The following VEZT variants were observed in gnomAD, a reference collection of about 807,000 sequenced individuals.
VEZT encodes vezatin.
Under a neutral mutation model 79.9 loss-of-function variants are expected in VEZT, and 39 were observed. That is an observed-to-expected ratio of 0.49 (90% CI 0.38 to 0.64). The LOEUF is 0.64. VEZT is among the 30% of genes least tolerant of loss of function. VEZT has a pLI of 0.00. For missense variants in VEZT, 837 were observed against 893.1 expected (o/e 0.94, Z 0.80); for synonymous variants, 325 against 327.6 (o/e 0.99, Z 0.09).
chr12:95,289,833 C>G (rs1374566564), intron 9 of VEZT, among the ~76,000 whole-genome samples: 1 of 152,192 alleles, frequency 6.6e-6, no homozygotes, highest in Non-Finnish European at 1.5e-5. Flanking sequence ...AAGTCTCCTT[C>G]ATCAATATTC....
chr12:95,271,778 A>G (rs1435028557), intron 6 of VEZT, among the ~76,000 whole-genome samples: 1 of 152,212 alleles, frequency 6.6e-6, no homozygotes, highest in African/African-American at 2.4e-5. Flanking sequence ...TACAGACTGT[A>G]TGAGTTCTTT....
At chr12:95,219,450 A>G (rs2057234799) in intron 1 of VEZT, among the ~76,000 whole-genome samples, 1 of 152,142 alleles carries the variant, frequency 6.6e-6, no homozygotes, top group African/African-American at 2.4e-5. Flanking sequence ...TGTGTGTGAT[A>G]TTTTTTAAAA....
At chr12:95,248,380 G>A (rs899883454) in intron 1 of VEZT, among the ~76,000 whole-genome samples, 1 of 152,164 alleles carries the variant, frequency 6.6e-6, no homozygotes, top group African/African-American at 2.4e-5. Context: ...AGATTATGGT[G>A]ATCCGAACTG....
intron 1 of VEZT, among the ~76,000 whole-genome samples, chr12:95,241,608 C>T (rs866994756): frequency 1.6e-4 from 25 of 152,162 alleles, no homozygotes; most frequent in African/African-American, 5.8e-4. Context: ...CTGCCTAGCA[C>T]ACCCCTCAGT....
At chr12:95,229,928 A>T (rs1484893735) in intron 1 of VEZT, among the ~76,000 whole-genome samples, 1 of 152,054 alleles carries the variant, frequency 6.6e-6, no homozygotes, top group Admixed American at 6.6e-5. Flanking sequence ...CATCTCTACT[A>T]AAAATGCAAA....
At chr12:95,230,574 C>CTTTTTTT (rs56104790) in intron 1 of VEZT, among the ~76,000 whole-genome samples, 2 of 137,146 alleles carry the variant, frequency 1.5e-5, no homozygotes, top group Non-Finnish European at 3.2e-5. Flanking sequence ...GTTATCTCTC[C>CTTTTTTT]TTTTTTTTTT....
At position 95,282,612 on chromosome 12, in the gene VEZT, C is replaced by G; in HGVS notation, c.1296C>G (p.Ser432Arg). The change falls in exon 8 of 12, where the codon AGC becomes AGG. Residue 432 changes from serine (S) to arginine (R), a missense_variant. By Grantham distance (110) the Ser-to-Arg change is moderately radical. Transcript: ENST00000436874. ...ELNNVHTAVR[S>R]LQLHLKALLN... The stretch of plus-strand genomic sequence containing the variant: ...ATAATGTTCACACAGCAGTGCGTAG[C>G]TTGCAGCTCCATCTGAAAGCATTAC... 3 of 1,607,850 alleles carry G rather than the reference C, an allele frequency of 1.9e-6. No homozygotes were observed. The highest frequency in any genetic ancestry group is 2.6e-6 in the Non-Finnish European group (3 of 1,175,766).
intron 1 of VEZT, among the ~76,000 whole-genome samples, chr12:95,220,857 G>A (rs1203987542): frequency 2.0e-5 from 3 of 152,110 alleles, no homozygotes; most frequent in African/African-American, 4.8e-5. Context: ...TATATATGTA[G>A]GAATGGAATT....
intron 5 of VEZT, among the ~76,000 whole-genome samples, chr12:95,269,277 T>C (rs2066150023): frequency 6.6e-6 from 1 of 152,208 alleles, no homozygotes; most frequent in African/African-American, 2.4e-5. Flanking sequence ...TTGTTACAAA[T>C]TAGGTACTCC....
intron 1 of VEZT, among the ~76,000 whole-genome samples, chr12:95,235,486 C>A (rs1408468662): frequency 1.3e-4 from 18 of 134,502 alleles, no homozygotes; most frequent in African/African-American, 5.1e-4. Flanking sequence ...CCAGTAGGGG[C>A]GGCCGGGCAG....
intron 11 of VEZT, among the ~76,000 whole-genome samples, chr12:95,297,257 A>G (rs757457787): frequency 2.6e-5 from 4 of 152,212 alleles, no homozygotes; most frequent in Admixed American, 1.3e-4. Context: ...ATTAATGCCT[A>G]TGGATTTCTA....
rs1448553195 is a variant in VEZT, at chr12:95,286,819, G to A, written c.1329-845G>A. 1.7e-5 allele frequency: 8 copies of A among 478,318 alleles called. No homozygotes were observed. In the Admixed American group the frequency reaches 1.7e-4, roughly 10 times the overall value. The allele number at this position is 478,318 out of a possible 1,614,324, so 29.6% of individuals were successfully genotyped here. A position where few individuals can be genotyped will look rare whatever the true frequency, so the allele number is the denominator to read the frequency against. On this transcript the variant is annotated intron_variant, in intron 8 of 11. Transcript: ENST00000436874. The stretch of plus-strand genomic sequence containing the variant: ...CTGTTTCTTTCCCATGTTTTGCAAT[G>A]TGGTTTTGTTGGAGGCCATTTTTTA...
intron 1 of VEZT, among the ~76,000 whole-genome samples, chr12:95,247,630 G>T (rs537847973): frequency 6.6e-6 from 1 of 152,046 alleles, no homozygotes; most frequent in South Asian, 2.1e-4. Context: ...GCTCTTTGGG[G>T]CTCTCCATAA....
chr12:95,286,386 CT>C, intron 8 of VEZT: 1 of 499,844 alleles, frequency 2.0e-6, no homozygotes, highest in Non-Finnish European at 3.9e-6. Context: ...TCATATTTGC[CT>C]TTTGTGCCAG....
At chr12:95,238,311 A>C (rs2060454737) in intron 1 of VEZT, among the ~76,000 whole-genome samples, 1 of 152,202 alleles carries the variant, frequency 6.6e-6, no homozygotes, top group African/African-American at 2.4e-5. Context: ...GAGTTGTTAG[A>C]ATTAAATGAG....
intron 2 of VEZT, among the ~76,000 whole-genome samples, chr12:95,253,908 G>T (rs1329608225): frequency 3.9e-5 from 6 of 152,060 alleles, no homozygotes; most frequent in African/African-American, 1.5e-4. Flanking sequence ...GAGACCAGCT[G>T]GGGCAACATA....
Position 95,294,377 on chromosome 12 carries a change from G to C in VEZT, c.1623+5G>C, listed in dbSNP as rs767406496. 1.3e-6 allele frequency: 2 copies of C among 1,565,260 alleles called. No individual in the cohort carries two copies. Among genetic ancestry groups the C allele is most frequent in the Non-Finnish European group, 1.7e-6 (2 of 1,153,680 alleles). ...GATCCAATCCCAGAGGAGCAGGTAA[G>C]GGTGAAAATTACTGTTCTTTCCCTT... On this transcript the variant is annotated splice_donor_5th_base_variant and intron_variant, in intron 10 of 11. Coordinates refer to ENST00000436874, the MANE Select transcript of VEZT (RefSeq NM_017599.4).
intron 1 of VEZT, among the ~76,000 whole-genome samples, chr12:95,245,830 A>G (rs953777218): frequency 1.3e-5 from 2 of 152,232 alleles, no homozygotes; most frequent in African/African-American, 4.8e-5. Flanking sequence ...AAATTTAAAA[A>G]TTATCTGAGT....
chr12:95,276,395 G>A (rs1046160701), intron 7 of VEZT, among the ~76,000 whole-genome samples: 10 of 147,376 alleles, frequency 6.8e-5, no homozygotes, highest in African/African-American at 2.0e-4. Context: ...TCAGCCTCCC[G>A]AGTAGCTGGG....
Sources: allele counts gnomAD v4.1 joint callset (sites outside exome capture counted in the v4.1 genomes callset), GRCh38; gene constraint gnomAD v4.1.1; transcripts MANE v1.5; gene names NCBI Gene and HGNC (gene_info 2026-07-23, HGNC 2026-07-21).